ABCC5: variants seen among roughly 807,000 people sequenced by gnomAD.
ABCC5 encodes the protein ATP binding cassette subfamily C member 5, also known as ATP-binding cassette sub-family C member 5.
A neutral mutation model predicts 160.9 loss-of-function variants in ABCC5; 61 were observed. The ratio of observed to expected loss-of-function variants is 0.38; its 90% CI spans 0.31 to 0.47. The LOEUF is 0.47. ABCC5 is among the 20% of genes least tolerant of loss of function. The probability of loss-of-function intolerance (pLI) is 0.99; values close to 1 mark genes in which losing one functional copy is unlikely to be tolerated. For missense variants in ABCC5, 1,308 were observed against 1,813.3 expected, an observed-to-expected ratio of 0.72 and a Z score of 5.06; for synonymous variants, 666 against 700.6, an observed-to-expected ratio of 0.95 and a Z score of 0.78.
In ABCC5 at chr3:183,965,269, A is replaced by G. The variant is rs1717110467; in HGVS notation, c.1959-12T>C. 6.2e-7 allele frequency: 1 copy of G among 1,614,248 alleles called. No homozygotes were observed. Among genetic ancestry groups the G allele is most frequent in the Non-Finnish European group, 8.5e-7 (1 of 1,180,030 alleles). ...GCACAGAGTTGTATCTGGAGGACAC[A>G]AAGAGACAGCGTCAGGGACACGGCG... On this transcript the variant is annotated splice_polypyrimidine_tract_variant and intron_variant, in intron 13 of 29. Transcript: ENST00000334444.
At chr3:183,990,885 C>T (rs1167184310) in intron 2 of ABCC5, among the ~76,000 whole-genome samples, 2 of 152,188 alleles carry the variant, frequency 1.3e-5, no homozygotes, top group South Asian at 2.1e-4. Context: ...GTAACTCAAA[C>T]GTTTATGCTT....
intron 9 of ABCC5, among the ~76,000 whole-genome samples, chr3:183,978,038 C>A (rs1718378375): frequency 6.6e-6 from 1 of 152,208 alleles, no homozygotes; most frequent in African/African-American, 2.4e-5. Context: ...CAGGCGTGAG[C>A]CACCATGCCT....
At chr3:183,930,581 T>C (rs1267569063) in intron 26 of ABCC5, among the ~76,000 whole-genome samples, 1 of 152,100 alleles carries the variant, frequency 6.6e-6, no homozygotes. Flanking sequence ...ATATGACTGG[T>C]CCTTATGAGA....
At chr3:183,928,029 C>A (rs1712765632) in intron 27 of ABCC5, among the ~76,000 whole-genome samples, 8 of 152,106 alleles carry the variant, frequency 5.3e-5, no homozygotes, top group Admixed American at 3.9e-4. Context: ...CCTGTGAGGG[C>A]CTACTGAGTT....
At chr3:183,923,654 G>A (rs1049384990) in intron 29 of ABCC5, among the ~76,000 whole-genome samples, 3 of 152,096 alleles carry the variant, frequency 2.0e-5, no homozygotes, top group African/African-American at 7.2e-5. Context: ...CCCAGAAGAT[G>A]TTCTTGGTCC....
At chr3:183,947,267 G>A (rs867897958) in intron 23 of ABCC5, 57 bp downstream of exon 23, 19 of 1,474,312 alleles carry the variant, frequency 1.3e-5, no homozygotes, top group African/African-American at 9.9e-5. Context: ...CCTCTTTTAC[G>A]TCAGCAGAGG....
chr3:183,961,431 A>C, intron 16 of ABCC5, 80 bp downstream of exon 16: 1 of 1,528,744 alleles, frequency 6.5e-7, no homozygotes, highest in Non-Finnish European at 8.9e-7. Flanking sequence ...GATTCAGCTG[A>C]GGTCTCTCCA....
intron 5 of ABCC5, chr3:183,985,208 A>G: frequency 1.8e-6 from 2 of 1,121,102 alleles, no homozygotes; most frequent in Non-Finnish European, 2.6e-6. Flanking sequence ...TTACAAATGT[A>G]TCATTTAAAT....
chr3:184,006,029 G>A (rs556141591), intron 2 of ABCC5, among the ~76,000 whole-genome samples: 9 of 151,966 alleles, frequency 5.9e-5, no homozygotes, highest in Admixed American at 6.6e-5. Context: ...TAGGAAAGCC[G>A]CGGCAGTCTT....
chr3:183,957,393 C>T (rs1451497436), intron 17 of ABCC5, among the ~76,000 whole-genome samples: 1 of 130,202 alleles, frequency 7.7e-6, no homozygotes, highest in Non-Finnish European at 1.6e-5. Flanking sequence ...CGGTTACATG[C>T]TTATCCGTGT....
chr3:183,966,714 A>G (rs1183006205), intron 12 of ABCC5, among the ~76,000 whole-genome samples: 2 of 151,784 alleles, frequency 1.3e-5, no homozygotes, highest in Admixed American at 1.3e-4. Context: ...GCCACTGGAG[A>G]GTGTCATAAA....
At chr3:183,993,531 A>C (rs1576916613) in intron 2 of ABCC5, among the ~76,000 whole-genome samples, 1 of 151,730 alleles carries the variant, frequency 6.6e-6, no homozygotes, top group East Asian at 1.9e-4. Flanking sequence ...TACTGAGCTA[A>C]ATCCAGGAAT....
At position 183,988,011 on chromosome 3, in the gene ABCC5, C is replaced by T; in HGVS notation, c.444-94G>A. ...CACCACTTTTTGTCTCCAGGTTTTG[C>T]CACCACTCACACAAGTCTCTCCTTT... On this transcript the variant is annotated intron_variant, in intron 4 of 29. Transcript: ENST00000334444. The surrounding 1 kb of genome is among the most constrained non-coding windows in gnomAD (Gnocchi z 4.4). The T allele has an allele frequency of 1.5e-6, 2 of 1,374,098 alleles. No homozygotes were observed. Among genetic ancestry groups the T allele is most frequent in the Non-Finnish European group, 2.0e-6 (2 of 990,486 alleles). 85.1% of individuals were successfully genotyped at this position (1,374,098 alleles called of 1,614,324 possible). A position where few individuals can be genotyped will look rare whatever the true frequency, so the allele number is the denominator to read the frequency against.
intron 15 of ABCC5, 63 bp from the exon 16 acceptor site, chr3:183,961,717 C>A: frequency 6.3e-7 from 1 of 1,593,622 alleles, no homozygotes; most frequent in Non-Finnish European, 8.6e-7. Flanking sequence ...AAAACCCATA[C>A]ATTAGTTCAG....
At position 183,953,287 on chromosome 3, in the gene ABCC5, G is replaced by A. The variant is rs1407510808; in HGVS notation, c.2483-17C>T. The A allele has an allele frequency of 6.3e-7, 1 of 1,582,156 alleles. No individual in the cohort carries two copies. Among genetic ancestry groups the A allele is most frequent in the Admixed American group, 1.9e-5 (1 of 52,996 alleles). The stretch of plus-strand genomic sequence containing the variant: ...CAAGCTGCCCTAGGTAAGAAAAAAA[G>A]AAACATGGACTCAGAAGGGAAGAAC... On this transcript the variant is annotated splice_polypyrimidine_tract_variant and intron_variant, in intron 17 of 29. Transcript: ENST00000334444.
chr3:183,982,089 A>T lies in ABCC5; in HGVS notation c.1000-215T>A, dbSNP rs1359121030. Among the ~76,000 whole-genome samples the T allele has an allele frequency of 6.6e-6, 1 of 152,182 alleles. No homozygotes were observed. Among genetic ancestry groups the T allele is most frequent in the Non-Finnish European group, 1.5e-5 (1 of 68,032 alleles). On this transcript the variant is annotated intron_variant, in intron 7 of 29. Transcript: ENST00000334444. This position sits in a 1 kb window ranked among gnomAD's most constrained non-coding sequence, Gnocchi z 5.2. ...TATCTCTTTATAAGGCAATGAAGAC[A>T]AGAAAGTATTTATTCTCAATAGTGA...
Position 183,961,138 on chromosome 3 carries a change from T to C in ABCC5, c.2379+373A>G, listed in dbSNP as rs1423360659. 3.9e-5 allele frequency among the ~76,000 whole-genome samples: 6 copies of C among 152,330 alleles called. No homozygotes were observed. In the South Asian group the frequency reaches 1.0e-3, roughly 26 times the overall value. On this transcript the variant is annotated intron_variant, in intron 16 of 29. Coordinates refer to ENST00000334444, the MANE Select transcript of ABCC5 (RefSeq NM_005688.4). Reference sequence around the variant, plus strand: ...ATTTAATTTCCCTACCTTGGCACTTTATTCACTTGTTTATTTAAAAAAGAG... The same window carrying C: ...ATTTAATTTCCCTACCTTGGCACTTCATTCACTTGTTTATTTAAAAAAGAG...
chr3:183,938,171 T>G, intron 25 of ABCC5, 111 bp from the exon 26 acceptor site: 1 of 1,036,754 alleles, frequency 9.6e-7, no homozygotes, highest in East Asian at 2.4e-5. Flanking sequence ...ATTCAGTTGT[T>G]ATTTCAACTG....
At chr3:183,981,895 A>G in intron 7 of ABCC5, 21 bp from the exon 8 acceptor site, 8 of 1,581,266 alleles carry the variant, frequency 5.1e-6, no homozygotes, top group Non-Finnish European at 6.8e-6. Flanking sequence ...AAGCGATGCC[A>G]CGCCAAATTA....
Sources: allele counts gnomAD v4.1 joint callset (sites outside exome capture counted in the v4.1 genomes callset), GRCh38; gene constraint gnomAD v4.1.1; non-coding constraint Gnocchi (gnomAD v3.1); transcripts MANE v1.5; gene names NCBI Gene and HGNC (gene_info 2026-07-23, HGNC 2026-07-21).